The following CEP76 variants were observed in gnomAD, a reference collection of about 807,000 sequenced individuals.
The protein encoded by CEP76 is centrosomal protein of 76 kDa.
CEP76 carries 55 observed loss-of-function variants against 83.3 expected under a neutral mutation model. The ratio of observed to expected loss-of-function variants is 0.66; its 90% CI spans 0.53 to 0.83. The LOEUF is 0.83. Among genes scored for constraint, CEP76 ranks in the 40% least tolerant of loss-of-function variants. The pLI is 0.00. For synonymous variants in CEP76, 270 were observed against 274.5 expected, an observed-to-expected ratio of 0.98 and a Z score of 0.16; for missense variants, 694 against 799.5, an observed-to-expected ratio of 0.87 and a Z score of 1.59.
At chr18:12,691,902 G>T (rs916759317) in intron 6 of CEP76, among the ~76,000 whole-genome samples, 1 of 151,786 alleles carries the variant, frequency 6.6e-6, no homozygotes, top group Non-Finnish European at 1.5e-5. Flanking sequence ...TGTATTTTTA[G>T]TAGAGACAGG....
intron 8 of CEP76, among the ~76,000 whole-genome samples, chr18:12,683,197 A>AG (rs2145029844): frequency 6.8e-6 from 1 of 147,528 alleles, no homozygotes; most frequent in East Asian, 2.0e-4. Flanking sequence ...AAAAAAAAAA[A>AG]AAAAAAAGCC....
At chr18:12,671,912 C>G (rs187597601), downstream of CEP76, among the ~76,000 whole-genome samples, 2 of 152,072 alleles carry the variant, frequency 1.3e-5, no homozygotes, top group Non-Finnish European at 2.9e-5. Context: ...CCTCCGCCTC[C>G]CAGGTTCAAG....
chr18:12,686,096 G>T (rs906905712), intron 8 of CEP76, 166 bp downstream of exon 8: 5 of 491,460 alleles, frequency 1.0e-5, no homozygotes, highest in African/African-American at 2.0e-5. Context: ...TTTTACTTTT[G>T]TAAGTATTTT....
In CEP76 at chr18:12,699,823, T is replaced by C. The variant is rs769350220; in HGVS notation, c.295+7A>G. ...CCACAACTAAATTAATGTTAAAATA[T>C]ACATACTTTTTTTTAATGTCGATTG... On this transcript the variant is annotated splice_region_variant and intron_variant, in intron 3 of 11. Coordinates refer to ENST00000262127, the MANE Select transcript of CEP76 (RefSeq NM_024899.4). The C allele has an allele frequency of 6.8e-7, 1 of 1,473,310 alleles. No individual in the cohort carries two copies. The highest frequency in any genetic ancestry group is 2.4e-5 in the East Asian group (1 of 41,914). The allele number at this position is 1,473,310 out of a possible 1,614,324, so 91.3% of individuals were successfully genotyped here.
At chr18:12,700,733 A>T (rs2040122271) in intron 2 of CEP76, among the ~76,000 whole-genome samples, 1 of 152,212 alleles carries the variant, frequency 6.6e-6, no homozygotes, top group African/African-American at 2.4e-5. Context: ...CTGTCACTGT[A>T]GAGACAGGAA....
At chr18:12,682,557 G>C (rs1364509682) in intron 8 of CEP76, among the ~76,000 whole-genome samples, 1 of 152,042 alleles carries the variant, frequency 6.6e-6, no homozygotes, top group Non-Finnish European at 1.5e-5. Flanking sequence ...TTAACTGTAA[G>C]AAAACAAATA....
chr18:12,683,659 G>A (rs929847828), intron 8 of CEP76, among the ~76,000 whole-genome samples: 4 of 151,484 alleles, frequency 2.6e-5, no homozygotes, highest in African/African-American at 9.7e-5. Context: ...GCTGAGGCAG[G>A]AGAATCGCTT....
At chr18:12,675,417 T>A (rs1057313421) in intron 10 of CEP76, among the ~76,000 whole-genome samples, 14 of 151,324 alleles carry the variant, frequency 9.3e-5, no homozygotes, top group Admixed American at 8.6e-4. Context: ...ATAAATAAAA[T>A]AAATAAAAAA....
intron 12 of CEP76, among the ~76,000 whole-genome samples, chr18:12,663,194 A>G (rs1268016275): frequency 6.6e-6 from 1 of 152,226 alleles, no homozygotes; most frequent in Non-Finnish European, 1.5e-5. Flanking sequence ...GTCATATTAC[A>G]TAATTCTGAT....
At chr18:12,677,996 A>C (rs1403645630) in intron 10 of CEP76, 113 bp downstream of exon 10, 4 of 725,966 alleles carry the variant, frequency 5.5e-6, no homozygotes, top group Non-Finnish European at 9.2e-6. Flanking sequence ...TAGGGACTGT[A>C]GTTGTTTTGT....
Position 12,701,056 on chromosome 18 carries a change from C to G in CEP76, c.121G>C (p.Ala41Pro). The change falls in exon 2 of 12, where the codon GCA (alanine) becomes CCA (proline). Residue 41 changes from alanine to proline, a missense_variant. Physicochemically the swap from Ala to Pro is conservative, Grantham distance 27 (BLOSUM62 -1). Coordinates refer to ENST00000262127, the MANE Select transcript of CEP76 (RefSeq NM_024899.4). ...ILAETIREEL[A>P]PDQQHLSTED... is the part of the protein sequence containing the mutation. ...GTTGATAAATGCTGTTGATCAGGTG[C>G]CAATTCTTCCCGTATAGTCTCAGCA... The G allele has an allele frequency of 6.2e-7, 1 of 1,613,564 alleles. No individual in the cohort carries two copies. The highest frequency in any genetic ancestry group is 8.5e-7 in the Non-Finnish European group (1 of 1,179,574).
In CEP76 at chr18:12,673,284, C is replaced by A. The variant is rs2038994129; in HGVS notation, c.*81G>T. 3.4e-6 allele frequency: 5 copies of A among 1,488,318 alleles called. No homozygotes were observed. The highest frequency in any genetic ancestry group is 1.4e-5 in the South Asian group (1 of 71,588). The allele number at this position is 1,488,318 out of a possible 1,614,324, so 92.2% of individuals were successfully genotyped here. ...AAGCCAGATTGTGATTTTAAAATAA[C>A]AAACCTCTAAATAGCTAAGTAATGT... On this transcript the variant is annotated 3_prime_UTR_variant, in exon 12 of 12. Coordinates refer to ENST00000262127, the MANE Select transcript of CEP76 (RefSeq NM_024899.4).
At chr18:12,679,698 A>C (rs541994797) in intron 9 of CEP76, among the ~76,000 whole-genome samples, 1 of 152,244 alleles carries the variant, frequency 6.6e-6, no homozygotes, top group Non-Finnish European at 1.5e-5. Context: ...TGGTAACCAC[A>C]TCAAATTTTA....
In CEP76 at chr18:12,699,120, G is replaced by C; in HGVS notation, c.379C>G (p.Pro127Ala). The C allele has an allele frequency of 2.5e-6, 4 of 1,614,020 alleles. No homozygotes were observed. The highest frequency in any genetic ancestry group is 3.4e-6 in the Non-Finnish European group (4 of 1,179,970). Residue 127 changes from proline (P) to alanine (A), a missense_variant, in exon 4 of 12, where the codon CCT becomes GCT. Transcript: ENST00000262127. The part of the protein sequence containing the change: ...AFLEHLQEPE[P>A]LPGQVCSTFT... ...GTTGAACAAACTTGTCCAGGTAAAG[G>C]CTCAGGTTCTTGCAGATGTTCCAAG...
chr18:12,683,496 A>T (rs1240597962), intron 8 of CEP76, among the ~76,000 whole-genome samples: 3 of 152,110 alleles, frequency 2.0e-5, no homozygotes, highest in African/African-American at 4.8e-5. Flanking sequence ...TAAAAAACGG[A>T]AATCAGCACT....
rs1282015090 is a variant in CEP76 at position 12,702,631 on chromosome 18, G to T, written c.-83C>A. 1.5e-5 allele frequency: 22 copies of T among 1,437,596 alleles called. No homozygotes were observed. The South Asian group carries it at 2.6e-4, about 17-fold the overall frequency. The allele number at this position is 1,437,596 out of a possible 1,614,324, so 89.1% of individuals were successfully genotyped here. On this transcript the variant is annotated 5_prime_UTR_variant, in exon 1 of 12. Coordinates refer to ENST00000262127, the MANE Select transcript of CEP76 (RefSeq NM_024899.4). ...GCCCCGGCCGGGCCAGGGAGCGTTA[G>T]GAGCGACTGGAGCACAAAGCGCCGC... is the stretch of plus-strand genomic sequence containing the variant.
At chr18:12,692,362 T>C (rs2145075598) in intron 6 of CEP76, 1 of 151,988 alleles carries the variant, frequency 6.6e-6, no homozygotes, top group Middle Eastern at 3.4e-3. Context: ...AACACTTCAT[T>C]CTCCATCACA....
rs2048267517 is a variant in CEP76 at position 12,695,315 on chromosome 18, A to G, written c.743T>C (p.Ile248Thr). Residue 248 changes from isoleucine (I) to threonine (T), a missense_variant, in exon 6 of 12, where the codon ATA becomes ACA. Physicochemically the swap from Ile to Thr is moderately conservative, Grantham distance 89 (BLOSUM62 -1). Coordinates refer to ENST00000262127, the MANE Select transcript of CEP76 (RefSeq NM_024899.4). ...GAGTGGTGGATACATTTCAAGTTTT[A>G]TATTTAAAATTCCCACAGAAACTTT... Reference protein sequence around the residue: ...ESKVSVGILNIKLEMYPPLNQ... With the variant: ...ESKVSVGILNTKLEMYPPLNQ... 1.3e-6 allele frequency: 2 copies of G among 1,568,590 alleles called. No individual in the cohort carries two copies. Among genetic ancestry groups the G allele is most frequent in the Non-Finnish European group, 1.7e-6 (2 of 1,145,964 alleles).
chr18:12,672,976 G>C lies in CEP76; in HGVS notation c.*389C>G. ...CTGTATAAAATAATTCCATTAACCT[G>C]TGAAAAGTAATGATCATACTGATTT... On this transcript the variant is annotated 3_prime_UTR_variant, in exon 12 of 12. Coordinates refer to ENST00000262127, the MANE Select transcript of CEP76 (RefSeq NM_024899.4). 1 of 987,362 alleles carries C rather than the reference G, an allele frequency of 1.0e-6. No individual in the cohort carries two copies. Among genetic ancestry groups the C allele is most frequent in the South Asian group, 4.6e-5 (1 of 21,514 alleles). 61.2% of individuals were successfully genotyped at this position (987,362 alleles called of 1,614,324 possible).
Sources: allele counts gnomAD v4.1 joint callset (sites outside exome capture counted in the v4.1 genomes callset), GRCh38; gene constraint gnomAD v4.1.1; transcripts MANE v1.5; gene names NCBI Gene and HGNC (gene_info 2026-07-23, HGNC 2026-07-21).